The following UBA5 variants were observed in gnomAD, a reference collection of about 807,000 sequenced individuals.
The protein encoded by UBA5 is ubiquitin like modifier activating enzyme 5.
UBA5 carries 28 observed loss-of-function variants against 52.9 expected under a neutral mutation model. The ratio of observed to expected loss-of-function variants is 0.53; its 90% CI spans 0.39 to 0.73. UBA5 has a LOEUF of 0.73. Ranked by LOEUF, UBA5 falls within the 30% of genes least tolerant of loss-of-function variation. The pLI, the probability that UBA5 is intolerant of heterozygous loss-of-function variation, is 0.00. For synonymous variants in UBA5, 135 were observed against 162.1 expected (o/e 0.83, Z 1.27); for missense variants, 388 against 492.7 (o/e 0.79, Z 2.01).
At position 132,678,664 on chromosome 3, in the gene UBA5, T is replaced by A. The variant is rs184384054; in HGVS notation, c.*2138T>A. On this transcript the variant is annotated 3_prime_UTR_variant, in exon 12 of 12. Transcript: ENST00000356232. ...AGAATATTTATTTATTTATTTATTT[T>A]TTTGAGACAGAGTCTCACTCTGTTG... Among the ~76,000 whole-genome samples the A allele has an allele frequency of 6.6e-5, 10 of 152,252 alleles. No individual in the cohort carries two copies. Among genetic ancestry groups the A allele is most frequent in the East Asian group, 1.9e-4 (1 of 5,170 alleles).
At position 132,660,381 on chromosome 3, in the gene UBA5, T is replaced by C; in HGVS notation, c.-157T>C. On this transcript the variant is annotated 5_prime_UTR_variant, in exon 1 of 12. Coordinates refer to ENST00000356232, the MANE Select transcript of UBA5 (RefSeq NM_024818.6). The surrounding 1 kb of genome is among the most constrained non-coding windows in gnomAD (Gnocchi z 4.1). ...TGTGGGAGTCTCGGAGACGTGTCTGTCTGTGAGGCGCTGGGTGCACGTCCC... is the reference window on the plus strand; with the variant it reads ...TGTGGGAGTCTCGGAGACGTGTCTGCCTGTGAGGCGCTGGGTGCACGTCCC... The C allele has an allele frequency of 1.1e-6, 1 of 923,336 alleles. No individual in the cohort carries two copies. The allele number at this position is 923,336 out of a possible 1,614,324, so 57.2% of individuals were successfully genotyped here. A position where few individuals can be genotyped will look rare whatever the true frequency, so the allele number is the denominator to read the frequency against.
At chr3:132,672,990 A>G (rs1487332727) in intron 8 of UBA5, among the ~76,000 whole-genome samples, 2 of 152,172 alleles carry the variant, frequency 1.3e-5, no homozygotes, top group African/African-American at 4.8e-5. Flanking sequence ...CTCCAATATA[A>G]TAAGAACAAA....
upstream of UBA5, chr3:132,659,468 G>A (rs1938007519): frequency 7.8e-7 from 1 of 1,280,050 alleles, no homozygotes; most frequent in Non-Finnish European, 1.1e-6. Context: ...AGCAGCTCAT[G>A]CCTGTAGGGT....
chr3:132,656,252 T>C (rs1170983659), upstream of UBA5, among the ~76,000 whole-genome samples: 2 of 152,252 alleles, frequency 1.3e-5, no homozygotes, highest in Non-Finnish European at 2.9e-5. Flanking sequence ...TGTTGTTTCC[T>C]GGATTTTTGC....
In UBA5 at chr3:132,676,923, A is replaced by G. The variant is rs947170283; in HGVS notation, c.*397A>G. The G allele has an allele frequency of 8.8e-6, 4 of 455,788 alleles. No individual in the cohort carries two copies. The highest frequency in any genetic ancestry group is 8.0e-5 in the African/African-American group (4 of 50,082). 28.2% of individuals were successfully genotyped at this position (455,788 alleles called of 1,614,324 possible). A position where few individuals can be genotyped will look rare whatever the true frequency, so the allele number is the denominator to read the frequency against. On this transcript the variant is annotated 3_prime_UTR_variant, in exon 12 of 12. Transcript: ENST00000356232. The surrounding 1 kb of genome is among the most constrained non-coding windows in gnomAD (Gnocchi z 4.1). ...GTATATGATCCTCAGATACAGGGAGAAGGACAAGGCATACAGCTTATTGAT... is the reference window on the plus strand; with the variant it reads ...GTATATGATCCTCAGATACAGGGAGGAGGACAAGGCATACAGCTTATTGAT...
At chr3:132,659,368 T>G, upstream of UBA5, 1 of 538,080 alleles carries the variant, frequency 1.9e-6, no homozygotes, top group Non-Finnish European at 3.2e-6. Flanking sequence ...CAAAGATTCC[T>G]TTGGATAGTA....
In UBA5 at chr3:132,672,073, T is replaced by C. The variant is rs573316754; in HGVS notation, c.708T>C (p.Ala236=). 2.5e-6 allele frequency: 4 copies of C among 1,614,056 alleles called. No individual in the cohort carries two copies. In the African/African-American group the frequency reaches 5.3e-5, roughly 22 times the overall value. ...AGTGTGCTCCACCACTTGTAGTTGC[T>C]GCAAATATTGATGAAAAGACTCTGA... ...CFACAPPLVV[A]ANIDEKTLKR... is the part of the protein sequence containing the mutation. Residue 236 remains alanine (A), a synonymous_variant, in exon 8 of 12, where the codon GCT becomes GCC. Transcript: ENST00000356232.
chr3:132,664,473 A>T (rs1938291063), intron 1 of UBA5, among the ~76,000 whole-genome samples: 1 of 142,010 alleles, frequency 7.0e-6, no homozygotes, highest in South Asian at 2.4e-4. Flanking sequence ...ATGTTCTTCT[A>T]ACCACAGCAA....
upstream of UBA5, among the ~76,000 whole-genome samples, chr3:132,658,708 C>T (rs1016975593): frequency 1.3e-5 from 2 of 152,098 alleles, no homozygotes; most frequent in African/African-American, 4.8e-5. Flanking sequence ...GTTCCCTGAT[C>T]CATCTCATTT....
rs763770764 is a variant in UBA5 at position 132,672,045 on chromosome 3, T to C, written c.685-5T>C. ...TTTTTGAAATGTGTTTTATTTTTCA[T>C]GTAGTGTGCTCCACCACTTGTAGTT... On this transcript the variant is annotated splice_region_variant and splice_polypyrimidine_tract_variant and intron_variant, in intron 7 of 11. Transcript: ENST00000356232. The C allele has an allele frequency of 1.5e-5, 24 of 1,612,858 alleles. No individual in the cohort carries two copies. The highest frequency in any genetic ancestry group is 2.2e-5 in the East Asian group (1 of 44,872).
chr3:132,659,456 A>G, upstream of UBA5: 1 of 1,136,566 alleles, frequency 8.8e-7, no homozygotes. Flanking sequence ...AGGGCCGGCA[A>G]TAGCAGCTCA....
intron 8 of UBA5, among the ~76,000 whole-genome samples, chr3:132,674,720 A>C (rs1256504618): frequency 6.6e-6 from 1 of 152,144 alleles, no homozygotes; most frequent in Non-Finnish European, 1.5e-5. Context: ...AGGGAGCTGG[A>C]GGCACATGGG....
At chr3:132,656,508 T>C (rs907967469), upstream of UBA5, among the ~76,000 whole-genome samples, 10 of 151,900 alleles carry the variant, frequency 6.6e-5, no homozygotes, top group Non-Finnish European at 1.2e-4. Flanking sequence ...TTTTTTTTTT[T>C]TGAGACGGAG....
Position 132,676,624 on chromosome 3 carries a change from A to ATC in UBA5, c.*98_*99insTC, listed in dbSNP as rs1408268033. ...GATAAAACTTAGGGCAACATTAATT[A>ATC]ATGTATATTCTTACCTGAATTGTTA... On this transcript the variant is annotated 3_prime_UTR_variant, in exon 12 of 12. Coordinates refer to ENST00000356232, the MANE Select transcript of UBA5 (RefSeq NM_024818.6). This position sits in a 1 kb window ranked among gnomAD's most constrained non-coding sequence, Gnocchi z 4.1. 9.9e-6 allele frequency: 8 copies of ATC among 811,146 alleles called. No individual in the cohort carries two copies. The highest frequency in any genetic ancestry group is 1.6e-5 in the Non-Finnish European group (8 of 500,554). The allele number at this position is 811,146 out of a possible 1,614,324, so 50.2% of individuals were successfully genotyped here.
At chr3:132,669,343 C>T (rs1938508104) in intron 4 of UBA5, among the ~76,000 whole-genome samples, 1 of 152,094 alleles carries the variant, frequency 6.6e-6, no homozygotes, top group African/African-American at 2.4e-5. Context: ...TCTCGGCTCA[C>T]TGCACCTCCG....
In UBA5 at chr3:132,678,934, GC is replaced by G. The variant is rs1341186554; in HGVS notation, c.*2410del. On this transcript the variant is annotated 3_prime_UTR_variant, in exon 12 of 12. Transcript: ENST00000356232. ...CAAAGTGCTGGGATTATAGGTGTGA[GC>G]CACCACGCCCAGCCAAGAATATTTA... Among the ~76,000 whole-genome samples the G allele has an allele frequency of 6.6e-6, 1 of 152,050 alleles. No individual in the cohort carries two copies. Among genetic ancestry groups the G allele is most frequent in the Non-Finnish European group, 1.5e-5 (1 of 68,004 alleles).
At chr3:132,659,336 G>A (rs1937997567), upstream of UBA5, 1 of 461,628 alleles carries the variant, frequency 2.2e-6, no homozygotes, top group Non-Finnish European at 3.8e-6. Flanking sequence ...GAATCCTCAA[G>A]GGACATAAAT....
upstream of UBA5, chr3:132,659,779 G>T: frequency 6.4e-7 from 1 of 1,565,112 alleles, no homozygotes; most frequent in Non-Finnish European, 8.7e-7. Context: ...ACAGCAACGC[G>T]GCATCCACAG....
At chr3:132,659,592 G>A (rs1179969866), upstream of UBA5, 7 of 1,608,918 alleles carry the variant, frequency 4.4e-6, no homozygotes, top group African/African-American at 8.0e-5. Flanking sequence ...GGCAAAGGCT[G>A]ACATCCATAC....
Sources: gnomAD v4.1 joint callset for allele counts (sites outside exome capture counted in the v4.1 genomes callset) on GRCh38, gnomAD v4.1.1 for gene constraint, Gnocchi (gnomAD v3.1) non-coding constraint, MANE v1.5 for transcripts, NCBI Gene and HGNC (gene_info 2026-07-23, HGNC 2026-07-21) for gene names.